The following CLIP2 variants were observed in gnomAD, a reference collection of about 807,000 sequenced individuals.
The protein encoded by CLIP2 is CAP-Gly domain-containing linker protein 2.
Under a neutral mutation model 111.7 loss-of-function variants are expected in CLIP2, and 41 were observed. That is an observed-to-expected ratio of 0.37 (90% CI 0.29 to 0.48). The LOEUF (loss-of-function observed/expected upper bound fraction) is 0.48, where lower values mean the gene tolerates loss of function less well. CLIP2 is among the 20% of genes least tolerant of loss of function. The probability of loss-of-function intolerance (pLI) is 0.99; values close to 1 mark genes in which losing one functional copy is unlikely to be tolerated. For synonymous variants in CLIP2, 660 were observed against 644.2 expected (o/e 1.02, Z -0.37); for missense variants, 1,160 against 1,422.1 (o/e 0.82, Z 2.96).
chr7:74,369,434 T>G (rs143278869), intron 8 of CLIP2, among the ~76,000 whole-genome samples: 1,571 of 152,142 alleles, frequency 0.01, 26 homozygotes, highest in African/African-American at 0.036. Flanking sequence ...TCCCAGCTAC[T>G]TGGGGGGCTG....
chr7:74,293,230 AG>A (rs1788076126), intron 1 of CLIP2, among the ~76,000 whole-genome samples: 1 of 152,236 alleles, frequency 6.6e-6, no homozygotes, highest in African/African-American at 2.4e-5. Context: ...AGTGGAGAAC[AG>A]AGAACTTGTG....
intron 2 of CLIP2, among the ~76,000 whole-genome samples, chr7:74,332,850 A>T (rs1381678725): frequency 6.6e-6 from 1 of 152,176 alleles, no homozygotes; most frequent in Non-Finnish European, 1.5e-5. Context: ...CCGTTTGGCC[A>T]TGCCTCTTGT....
chr7:74,311,828 C>G lies in CLIP2; in HGVS notation c.-67-5652C>G, dbSNP rs113074247. Among the ~76,000 whole-genome samples the G allele has an allele frequency of 4.3e-3, 653 of 151,348 alleles. 4 individuals are homozygous for G. The highest frequency in any genetic ancestry group is 6.9e-3 in the Non-Finnish European group (469 of 67,894). On this transcript the variant is annotated intron_variant, in intron 1 of 16. Coordinates refer to ENST00000223398, the MANE Select transcript of CLIP2 (RefSeq NM_003388.5). ...CCAGGAGGCTGAGACGGGAGGATTG[C>G]TTGAGCCCAGGAGTTGGAGGCTGCA...
chr7:74,362,723 CA>C (rs1790367881), intron 7 of CLIP2, among the ~76,000 whole-genome samples: 1 of 151,800 alleles, frequency 6.6e-6, no homozygotes, highest in Non-Finnish European at 1.5e-5. Context: ...TTAGTAGAGA[CA>C]GGGTTACACC....
At chr7:74,325,159 C>T (rs1413224559) in intron 2 of CLIP2, among the ~76,000 whole-genome samples, 1 of 152,174 alleles carries the variant, frequency 6.6e-6, no homozygotes, top group Non-Finnish European at 1.5e-5. Flanking sequence ...TGGACTGGTG[C>T]CCTTGCTGCC....
chr7:74,331,609 G>A (rs1229671108), intron 2 of CLIP2, among the ~76,000 whole-genome samples: 75 of 113,842 alleles, frequency 6.6e-4, no homozygotes, highest in African/African-American at 2.5e-3. Flanking sequence ...ACTCTGTCTC[G>A]CCCAGACTGG....
intron 8 of CLIP2, 114 bp downstream of exon 8, chr7:74,364,429 G>T (rs1790418963): frequency 3.4e-6 from 3 of 871,170 alleles, no homozygotes; most frequent in South Asian, 3.2e-5. Context: ...GGAAGGGGCT[G>T]GGGGGGAAAA....
At chr7:74,373,821 G>C (rs1554312334) in intron 9 of CLIP2, among the ~76,000 whole-genome samples, 1 of 152,096 alleles carries the variant, frequency 6.6e-6, no homozygotes, top group Non-Finnish European at 1.5e-5. Flanking sequence ...CTGGCCCAGA[G>C]AGCCTGAAAC....
At chr7:74,331,855 G>A (rs1453098582) in intron 2 of CLIP2, among the ~76,000 whole-genome samples, 7 of 151,962 alleles carry the variant, frequency 4.6e-5, no homozygotes, top group Admixed American at 4.6e-4. Flanking sequence ...TTACAGGTGT[G>A]ATCCACCACG....
In CLIP2 at chr7:74,349,468, GTGTATATATATATATATATATATATATA is replaced by G. The variant is rs1425368142; in HGVS notation, c.679-4410_679-4383del. Among the ~76,000 whole-genome samples, 569 of 61,786 alleles carry G rather than the reference GTGTATATATATATATATATATATATATA, an allele frequency of 9.2e-3. 12 individuals carry two copies. The highest frequency in any genetic ancestry group is 0.025 in the African/African-American group (457 of 18,314). 40.5% of individuals were successfully genotyped at this position (61,786 alleles called of 152,430 possible). The stretch of plus-strand genomic sequence containing the variant: ...AAAAAGTATGTATGTGTGTGTGTGT[GTGTATATATATATATATATATATATATA>G]TATATATATATATATGTAAATAAAA... On this transcript the variant is annotated intron_variant, in intron 3 of 16. Coordinates refer to ENST00000223398, the MANE Select transcript of CLIP2 (RefSeq NM_003388.5).
chr7:74,331,078 C>T (rs545967259), intron 2 of CLIP2, among the ~76,000 whole-genome samples: 2 of 151,222 alleles, frequency 1.3e-5, no homozygotes, highest in South Asian at 2.1e-4. Context: ...TGGTGGTACA[C>T]GCCTGTAATC....
chr7:74,338,564 G>T lies in CLIP2; in HGVS notation c.238G>T (p.Val80Leu). The T allele has an allele frequency of 6.3e-7, 1 of 1,586,024 alleles. No homozygotes were observed. Among genetic ancestry groups the T allele is most frequent in the Non-Finnish European group, 8.6e-7 (1 of 1,167,428 alleles). Residue 80 changes from valine to leucine, a missense_variant, in exon 3 of 17, where the codon GTG (valine) becomes TTG (leucine). Physicochemically the swap from Val to Leu is conservative, Grantham distance 32. Transcript: ENST00000223398. This position sits in a 1 kb window ranked among gnomAD's most constrained non-coding sequence, Gnocchi z 4.3. The stretch of plus-strand genomic sequence containing the variant: ...GGGGGATGACTTCCTGGGGGACTTT[G>T]TGGTGGGCGAGCGGGTGTGGGTGAA... Reference protein sequence around the residue: ...EVGDDFLGDFVVGERVWVNGV... With the variant: ...EVGDDFLGDFLVGERVWVNGV...
At chr7:74,386,143 G>A (rs143733834) in intron 11 of CLIP2, among the ~76,000 whole-genome samples, 1,915 of 151,482 alleles carry the variant, frequency 0.013, 27 homozygotes, top group Non-Finnish European at 0.017. Context: ...TGCCTCCCGG[G>A]TTCAAACGAT....
At chr7:74,306,600 G>C (rs782475183) in intron 1 of CLIP2, among the ~76,000 whole-genome samples, 10 of 152,284 alleles carry the variant, frequency 6.6e-5, no homozygotes, top group African/African-American at 2.4e-4. Flanking sequence ...GCCACCCCCG[G>C]GCAGCTGAAA....
At position 74,338,985 on chromosome 7, in the gene CLIP2, G is replaced by C. The variant is rs1485760022; in HGVS notation, c.659G>C (p.Arg220Pro). Residue 220 changes from arginine (R) to proline (P), a missense_variant, in exon 3 of 17, where the codon CGC (arginine) becomes CCC (proline). This residue lies in a region of CLIP2 where 301 missense variants were observed against 315.2 expected (regional missense o/e 0.96). Coordinates refer to ENST00000223398, the MANE Select transcript of CLIP2 (RefSeq NM_003388.5). This position sits in a 1 kb window ranked among gnomAD's most constrained non-coding sequence, Gnocchi z 4.3. ...GTGAAGCGGGGCGAAAAGGACCTGC[G>C]CCTGGGGGACCGCGTGCTGGTGAGT... Reference protein sequence around the residue: ...GSVKRGEKDLRLGDRVLVGGT... With the variant: ...GSVKRGEKDLPLGDRVLVGGT... The C allele has an allele frequency of 1.9e-6, 3 of 1,598,038 alleles. No individual in the cohort carries two copies. Among genetic ancestry groups the C allele is most frequent in the South Asian group, 2.2e-5 (2 of 91,048 alleles).
chr7:74,308,875 T>A (rs1564029736), intron 1 of CLIP2, among the ~76,000 whole-genome samples: 2 of 151,910 alleles, frequency 1.3e-5, no homozygotes, highest in Admixed American at 6.6e-5. Flanking sequence ...AAAATTTTTT[T>A]AACTTTTTTA....
In CLIP2 at chr7:74,338,369, C is replaced by T. The variant is rs574637; in HGVS notation, c.122-79C>T. 1,040,555 of 1,482,344 alleles carry T rather than the reference C, an allele frequency of 0.7. 372,260 individuals carry two copies. Among genetic ancestry groups the T allele is most frequent in the Non-Finnish European group, 0.74 (814,207 of 1,099,544 alleles). 91.8% of individuals were successfully genotyped at this position (1,482,344 alleles called of 1,614,324 possible). A position where few individuals can be genotyped will look rare whatever the true frequency, so the allele number is the denominator to read the frequency against. ...AATACAAATCAGCCACCTCCCAACC[C>T]TAGACTCTGTGCTCCTGGGGCCACC... On this transcript the variant is annotated intron_variant, in intron 2 of 16. Coordinates refer to ENST00000223398, the MANE Select transcript of CLIP2 (RefSeq NM_003388.5). The surrounding 1 kb of genome is among the most constrained non-coding windows in gnomAD (Gnocchi z 4.3).
At chr7:74,349,446 AAGTATGT>A (rs1789907980) in intron 3 of CLIP2, among the ~76,000 whole-genome samples, 1 of 68,028 alleles carries the variant, frequency 1.5e-5, no homozygotes, top group Non-Finnish European at 3.6e-5. Flanking sequence ...AAAAAAAAAA[AAGTATGT>A]ATGTGTGTGT....
At chr7:74,322,443 T>A (rs60212338) in intron 2 of CLIP2, among the ~76,000 whole-genome samples, 1 of 151,698 alleles carries the variant, frequency 6.6e-6, no homozygotes, top group Non-Finnish European at 1.5e-5. Flanking sequence ...CCATCTCTAC[T>A]AAAAATACAA....
Sources: gnomAD v4.1 joint callset for allele counts (sites outside exome capture counted in the v4.1 genomes callset) on GRCh38, gnomAD v4.1.1 for gene constraint, gnomAD v4.1.1 regional missense constraint, Gnocchi (gnomAD v3.1) non-coding constraint, MANE v1.5 for transcripts, NCBI Gene and HGNC (gene_info 2026-07-23, HGNC 2026-07-21) for gene names.